Variants in EIF4G3 observed in about 807,000 individuals in gnomAD.
EIF4G3 encodes the protein eIF-4-gamma 3.
In EIF4G3, 34 loss-of-function variants were observed where a neutral mutation model predicts 186.4. The ratio of observed to expected loss-of-function variants is 0.18; its 90% CI spans 0.14 to 0.24. The LOEUF (loss-of-function observed/expected upper bound fraction) is 0.24. Ranked by LOEUF, EIF4G3 falls within the 10% of genes least tolerant of loss-of-function variation. EIF4G3 has a pLI of 1.00. For missense variants in EIF4G3, 1,536 were observed against 1,948.5 expected (o/e 0.79, Z 3.99); for synonymous variants, 673 against 679.5 (o/e 0.99, Z 0.15).
intron 2 of EIF4G3, among the ~76,000 whole-genome samples, chr1:21,135,013 ACAT>A (rs1041087684): frequency 1.5e-4 from 23 of 152,302 alleles, no homozygotes; most frequent in African/African-American, 4.3e-4. Flanking sequence ...TTCACGTAAT[ACAT>A]CATCATCATC....
rs1029192158 is a variant in EIF4G3, at chr1:20,810,449, C to T, written c.4744+289G>A. 1.3e-5 allele frequency among the ~76,000 whole-genome samples: 2 copies of T among 152,122 alleles called. No homozygotes were observed. The highest frequency in any genetic ancestry group is 4.8e-5 in the African/African-American group (2 of 41,438). On this transcript the variant is annotated intron_variant, in intron 36 of 36. Transcript: ENST00000602326. The surrounding 1 kb of genome is among the most constrained non-coding windows in gnomAD (Gnocchi z 4.1). ...GATTACAGGTGTGAGCCACCGTGCT[C>T]AGCCATTTCTGTATTTTTAGTAGGG...
intron 6 of EIF4G3, 125 bp from the exon 7 acceptor site, chr1:20,997,758 C>T (rs2082612930): frequency 2.8e-6 from 2 of 708,034 alleles, no homozygotes; most frequent in East Asian, 5.5e-5. Flanking sequence ...AAATAAAAAA[C>T]AACACACAAA....
chr1:21,076,960 A>C (rs2095607351), intron 3 of EIF4G3, among the ~76,000 whole-genome samples: 1 of 152,248 alleles, frequency 6.6e-6, no homozygotes, highest in Non-Finnish European at 1.5e-5. Flanking sequence ...CCAATTAAAA[A>C]GTTTCTGCAA....
intron 6 of EIF4G3, 76 bp from the exon 7 acceptor site, chr1:20,997,709 TC>T: frequency 8.4e-7 from 1 of 1,189,156 alleles, no homozygotes. Context: ...AACCAAAATT[TC>T]ACACAATATG....
At chr1:21,005,981 T>C (rs553948359) in intron 4 of EIF4G3, among the ~76,000 whole-genome samples, 6 of 152,304 alleles carry the variant, frequency 3.9e-5, no homozygotes, top group Admixed American at 1.3e-4. Context: ...ATGCAAGTAA[T>C]TGTTCTGTCA....
intron 4 of EIF4G3, among the ~76,000 whole-genome samples, chr1:21,050,602 T>C (rs772232908): frequency 1.6e-4 from 25 of 152,216 alleles, no homozygotes; most frequent in Non-Finnish European, 3.4e-4. Flanking sequence ...CAGTAAACTT[T>C]AGAATAAAAC....
chr1:21,107,533 G>C (rs1159479477), intron 2 of EIF4G3, among the ~76,000 whole-genome samples: 1 of 152,190 alleles, frequency 6.6e-6, no homozygotes, highest in Non-Finnish European at 1.5e-5. Context: ...TATTGGCTAA[G>C]AGATGAGTTC....
chr1:21,030,849 A>AT (rs1305103086), intron 4 of EIF4G3, among the ~76,000 whole-genome samples: 1 of 152,130 alleles, frequency 6.6e-6, no homozygotes, highest in Non-Finnish European at 1.5e-5. Context: ...ATTGCTGAAT[A>AT]TGTGTCTATA....
rs1243562778 is a variant in EIF4G3 at position 20,817,266 on chromosome 1, AAAT to A, written c.4515+123_4515+125del. The A allele has an allele frequency of 7.9e-5, 24 of 304,512 alleles. 1 individual carries two copies. The South Asian group carries it at 8.2e-4, about 10-fold the overall frequency. 18.9% of individuals were successfully genotyped at this position (304,512 alleles called of 1,614,324 possible). On this transcript the variant is annotated intron_variant, in intron 34 of 36. Transcript: ENST00000602326. ...AAAAAAAAAAAATAAATAAATAAAAAAATAAATAAATAAAAAAAAATAAAAATA... is the reference window on the plus strand; with the variant it reads ...AAAAAAAAAAAATAAATAAATAAAAAAAATAAATAAAAAAAAATAAAAATA...
In EIF4G3 at chr1:21,002,821, G is replaced by T; in HGVS notation, c.-66-13C>A. ...AGGGATAAGGGGTCTGTCAAAAAAT[G>T]GCAAGAACAATATAATATTTTGAAA... On this transcript the variant is annotated splice_polypyrimidine_tract_variant and intron_variant, in intron 4 of 36. Transcript: ENST00000602326. 1 of 1,473,226 alleles carries T rather than the reference G, an allele frequency of 6.8e-7. No homozygotes were observed. The highest frequency in any genetic ancestry group is 9.4e-7 in the Non-Finnish European group (1 of 1,061,352). 91.3% of individuals were successfully genotyped at this position (1,473,226 alleles called of 1,614,324 possible).
chr1:20,952,307 A>G (rs1302099935), intron 12 of EIF4G3, among the ~76,000 whole-genome samples: 1 of 151,990 alleles, frequency 6.6e-6, no homozygotes, highest in Non-Finnish European at 1.5e-5. Flanking sequence ...GGTGTGCGCC[A>G]CCACACCCAA....
chr1:20,875,440 A>G lies in EIF4G3; in HGVS notation c.2622+3883T>C, dbSNP rs377491448. On this transcript the variant is annotated intron_variant, in intron 20 of 36. Coordinates refer to ENST00000602326, the MANE Select transcript of EIF4G3 (RefSeq NM_001391906.1). ...GCTGGTTCATATTGGTTTATGACAGACAACTGTTTAACAGTAATTTTGTGA... is the reference window on the plus strand; with the variant it reads ...GCTGGTTCATATTGGTTTATGACAGGCAACTGTTTAACAGTAATTTTGTGA... Among the ~76,000 whole-genome samples the G allele has an allele frequency of 1.8e-4, 28 of 152,376 alleles. No individual in the cohort carries two copies. In the East Asian group the frequency reaches 1.9e-3, roughly 10 times the overall value.
chr1:21,149,365 T>C (rs573824349), intron 2 of EIF4G3, among the ~76,000 whole-genome samples: 1 of 152,158 alleles, frequency 6.6e-6, no homozygotes, highest in Non-Finnish European at 1.5e-5. Context: ...GTATTTTCCA[T>C]AATGATCACA....
intron 11 of EIF4G3, 101 bp downstream of exon 11, chr1:20,972,901 C>T: frequency 2.2e-6 from 2 of 891,372 alleles, no homozygotes; most frequent in Non-Finnish European, 3.2e-6. Flanking sequence ...AAAAAAGGCA[C>T]AGTAATTTGT....
At chr1:20,831,732 A>G (rs201461383) in intron 30 of EIF4G3, among the ~76,000 whole-genome samples, 23 of 90,406 alleles carry the variant, frequency 2.5e-4, no homozygotes, top group African/African-American at 8.3e-4. Flanking sequence ...AGCATTAGGT[A>G]TATCTCCCGA....
intron 4 of EIF4G3, among the ~76,000 whole-genome samples, chr1:21,042,130 G>A (rs1374963914): frequency 6.6e-6 from 1 of 151,922 alleles, no homozygotes; most frequent in Admixed American, 6.6e-5. Flanking sequence ...GAGACGAGAG[G>A]CCCACGCCGC....
At chr1:21,139,805 A>G (rs929237493) in intron 2 of EIF4G3, among the ~76,000 whole-genome samples, 6 of 152,176 alleles carry the variant, frequency 3.9e-5, no homozygotes, top group African/African-American at 1.4e-4. Flanking sequence ...GCCTCAAGCC[A>G]AACTCCTGCT....
At chr1:21,139,826 G>A (rs949703305) in intron 2 of EIF4G3, among the ~76,000 whole-genome samples, 2 of 152,062 alleles carry the variant, frequency 1.3e-5, no homozygotes, top group East Asian at 1.9e-4. Flanking sequence ...TCAGCCTCCC[G>A]AGTAGCTAGG....
chr1:20,921,058 G>C (rs1420811842), intron 14 of EIF4G3, among the ~76,000 whole-genome samples: 1 of 152,058 alleles, frequency 6.6e-6, no homozygotes, highest in African/African-American at 2.4e-5. Flanking sequence ...ATTTGGGTGT[G>C]TTTGAAAATT....
Sources: gnomAD v4.1 joint callset for allele counts (sites outside exome capture counted in the v4.1 genomes callset) on GRCh38, gnomAD v4.1.1 for gene constraint, Gnocchi (gnomAD v3.1) non-coding constraint, MANE v1.5 for transcripts, NCBI Gene and HGNC (gene_info 2026-07-23, HGNC 2026-07-21) for gene names.